CA10: variants seen among roughly 807,000 people sequenced by gnomAD.
CA10 encodes carbonic anhydrase-related protein 10.
Under a neutral mutation model 44.2 loss-of-function variants are expected in CA10, and 14 were observed. The observed-to-expected ratio is 0.32, with a 90% confidence interval of 0.21 to 0.50. CA10 has a LOEUF of 0.50. CA10 is among the 20% of genes least tolerant of loss of function. CA10 has a pLI of 0.99. For synonymous variants in CA10, 159 were observed against 141.6 expected (o/e 1.12, Z -0.87); for missense variants, 350 against 409.7 (o/e 0.85, Z 1.26).
chr17:51,745,165 C>G lies in CA10; in HGVS notation c.465+2468G>C, dbSNP rs776390236. Reference sequence around the variant, plus strand: ...AATTACCAATGTGTGTGCCTTCCCCCCTTTTTAGCAGTGTGATTTTGTTGA... The same window carrying G: ...AATTACCAATGTGTGTGCCTTCCCCGCTTTTTAGCAGTGTGATTTTGTTGA... On this transcript the variant is annotated intron_variant, in intron 4 of 8. Transcript: ENST00000451037. 5.3e-5 allele frequency among the ~76,000 whole-genome samples: 8 copies of G among 152,234 alleles called. No homozygotes were observed. The South Asian group carries it at 1.5e-3, about 28-fold the overall frequency.
intron 2 of CA10, among the ~76,000 whole-genome samples, chr17:52,050,991 G>GGGAA (rs528583103): frequency 0.041 from 6,076 of 148,414 alleles, 306 homozygotes; most frequent in African/African-American, 0.12. Context: ...AGAAAAAAAA[G>GGGAA]GGAAGGAAGG....
chr17:52,123,243 T>C (rs866577227), intron 1 of CA10, among the ~76,000 whole-genome samples: 1 of 151,578 alleles, frequency 6.6e-6, no homozygotes, highest in African/African-American at 2.4e-5. Context: ...ATGAAAGAAA[T>C]GGTAGGTATA....
At chr17:51,841,848 A>T (rs1445819384) in intron 3 of CA10, among the ~76,000 whole-genome samples, 1 of 152,192 alleles carries the variant, frequency 6.6e-6, no homozygotes, top group East Asian at 1.9e-4. Flanking sequence ...CTTCACTGTG[A>T]CCCTGTCTTC....
rs186694999 is a variant in CA10 at position 51,879,843 on chromosome 17, G to A, written c.279+51147C>T. 3.5e-4 allele frequency among the ~76,000 whole-genome samples: 54 copies of A among 152,282 alleles called. 1 individual carries two copies. Among genetic ancestry groups the A allele is most frequent in the Middle Eastern group, 3.4e-3 (1 of 294 alleles). On this transcript the variant is annotated intron_variant, in intron 3 of 8. Transcript: ENST00000451037. ...AAAGAAAAGGAAGTGACATGTGTCC[G>A]TGAGTGAACTTCACTGACCAATGGC...
chr17:52,139,072 T>C (rs1378994622), intron 1 of CA10, among the ~76,000 whole-genome samples: 3 of 152,202 alleles, frequency 2.0e-5, no homozygotes, highest in African/African-American at 7.2e-5. Flanking sequence ...GTTGGTAAAT[T>C]GCGCTGTTCT....
intron 2 of CA10, among the ~76,000 whole-genome samples, chr17:51,991,022 G>A (rs1191684299): frequency 1.3e-5 from 2 of 152,080 alleles, no homozygotes; most frequent in Admixed American, 6.6e-5. Flanking sequence ...GTGTGCCCTC[G>A]GGCAAGTTAC....
chr17:51,653,619 T>A (rs752742333), intron 5 of CA10, 22 bp downstream of exon 5: 23 of 1,234,722 alleles, frequency 1.9e-5, no homozygotes, highest in Non-Finnish European at 2.5e-5. Flanking sequence ...GTGAGAAGAA[T>A]GAAGGAATGC....
intron 4 of CA10, chr17:51,661,964 G>T (rs1289627126): frequency 6.6e-6 from 1 of 152,280 alleles, no homozygotes. Context: ...TAAAAGAATG[G>T]GCGTGGCTGG....
intron 2 of CA10, among the ~76,000 whole-genome samples, chr17:51,959,786 C>T (rs1178609819): frequency 9.9e-6 from 1 of 100,876 alleles, no homozygotes; most frequent in Non-Finnish European, 1.9e-5. Context: ...AGACTGATTA[C>T]CTGCTAAGAT....
At chr17:51,922,182 G>T (rs1320199651) in intron 3 of CA10, among the ~76,000 whole-genome samples, 1 of 152,154 alleles carries the variant, frequency 6.6e-6, no homozygotes, top group African/African-American at 2.4e-5. Flanking sequence ...AAGGTAGAAT[G>T]ATGATGCTCC....
At chr17:51,850,300 C>G (rs144853161) in intron 3 of CA10, among the ~76,000 whole-genome samples, 2 of 152,224 alleles carry the variant, frequency 1.3e-5, no homozygotes, top group East Asian at 3.9e-4. Flanking sequence ...TAGAGGAACA[C>G]GGAGATCCAG....
At chr17:51,813,739 A>G (rs1028404700) in intron 3 of CA10, among the ~76,000 whole-genome samples, 2 of 152,214 alleles carry the variant, frequency 1.3e-5, no homozygotes, top group Admixed American at 6.5e-5. Context: ...CTCCCACACT[A>G]GAATCCTAAT....
chr17:51,641,105 G>A (rs1214002675), intron 6 of CA10, among the ~76,000 whole-genome samples: 8 of 151,654 alleles, frequency 5.3e-5, no homozygotes, highest in Non-Finnish European at 1.0e-4. Flanking sequence ...TAGTTTTGCA[G>A]AGAGGTTTCT....
At position 51,788,969 on chromosome 17, in the gene CA10, T is replaced by C. The variant is rs140874114; in HGVS notation, c.280-41151A>G. On this transcript the variant is annotated intron_variant, in intron 3 of 8. Transcript: ENST00000451037. ...TCCTTTCCTCTAACATTCAATGGCA[T>C]GTATAGTGTTTGTCATACAATTTAA... Among the ~76,000 whole-genome samples, 28 of 152,376 alleles carry C rather than the reference T, an allele frequency of 1.8e-4. No homozygotes were observed. In the East Asian group the frequency reaches 2.7e-3, roughly 15 times the overall value.
chr17:51,931,034 C>T lies in CA10; in HGVS notation c.235G>A (p.Asp79Asn), dbSNP rs1294535148. The change falls in exon 3 of 9, where the codon GAC (aspartate) becomes AAC (asparagine). Residue 79 changes from aspartate (D) to asparagine (N), a missense_variant. Coordinates refer to ENST00000451037, the MANE Select transcript of CA10 (RefSeq NM_020178.5). ...ATGCGAAGAGGTGTCAGAAAGGGGTCGAAGATCATGTGACTGGTCTCTATG... is the reference window on the plus strand; with the variant it reads ...ATGCGAAGAGGTGTCAGAAAGGGGTTGAAGATCATGTGACTGGTCTCTATG... ...VNIETSHMIF[D>N]PFLTPLRINT... 3.7e-6 allele frequency: 6 copies of T among 1,613,450 alleles called. No individual in the cohort carries two copies. The highest frequency in any genetic ancestry group is 1.7e-5 in the Admixed American group (1 of 59,974).
chr17:51,674,158 C>T (rs184331197), intron 4 of CA10, among the ~76,000 whole-genome samples: 8 of 152,218 alleles, frequency 5.3e-5, no homozygotes, highest in African/African-American at 1.9e-4. Context: ...AAAATGAGAG[C>T]TGCTTGAGGG....
chr17:52,001,548 T>G (rs203048), intron 2 of CA10, among the ~76,000 whole-genome samples: 150,232 of 152,042 alleles, frequency 0.99, 74,246 homozygotes, highest in East Asian at 1. Context: ...GCAATTAAAG[T>G]ATAAGTAACT....
At chr17:51,788,036 A>G (rs1322254582) in intron 3 of CA10, among the ~76,000 whole-genome samples, 2 of 151,990 alleles carry the variant, frequency 1.3e-5, no homozygotes, top group Non-Finnish European at 2.9e-5. Context: ...GTTCTTTAAG[A>G]TACATGGTTA....
chr17:52,067,351 C>T (rs368060210), intron 2 of CA10, among the ~76,000 whole-genome samples: 1 of 152,230 alleles, frequency 6.6e-6, no homozygotes, highest in Admixed American at 6.5e-5. Flanking sequence ...GGTGTTGGGC[C>T]TGTGGGTGCA....
Sources: gnomAD v4.1 joint callset for allele counts (sites outside exome capture counted in the v4.1 genomes callset) on GRCh38, gnomAD v4.1.1 for gene constraint, MANE v1.5 for transcripts, NCBI Gene and HGNC (gene_info 2026-07-23, HGNC 2026-07-21) for gene names.